SPINK5: variants seen among roughly 807,000 people sequenced by gnomAD.
SPINK5 encodes the protein serine protease inhibitor Kazal-type 5.
SPINK5 carries 125 observed loss-of-function variants against 151.8 expected under a neutral mutation model. That is an observed-to-expected ratio of 0.82 (90% CI 0.71 to 0.96). The LOEUF is 0.96. SPINK5 is among the 40% of genes least tolerant of loss of function. The pLI is 0.00. For synonymous variants in SPINK5, 374 were observed against 395.3 expected (o/e 0.95, Z 0.64); for missense variants, 1,194 against 1,291.9 (o/e 0.92, Z 1.16).
chr5:148,110,400 C>T (rs1465204307), intron 18 of SPINK5, among the ~76,000 whole-genome samples: 1 of 152,072 alleles, frequency 6.6e-6, no homozygotes, highest in East Asian at 1.9e-4. Context: ...CTCTTGTCTA[C>T]CAAAATTCTG....
In SPINK5 at chr5:148,111,183, C is replaced by T. The variant is rs187992738; in HGVS notation, c.1693-585C>T. Among the ~76,000 whole-genome samples, 20 of 151,460 alleles carry T rather than the reference C, an allele frequency of 1.3e-4. 1 individual carries two copies. Among genetic ancestry groups the T allele is most frequent in the Admixed American group, 3.3e-4 (5 of 15,094 alleles). On this transcript the variant is annotated intron_variant, in intron 18 of 32. Coordinates refer to ENST00000256084, the MANE Select transcript of SPINK5 (RefSeq NM_006846.4). ...CCGTCCATGTTCCTTGGTTCTTGGA[C>T]CCCCCTTCTCTGTCTACAAAGCCAG...
intron 8 of SPINK5, among the ~76,000 whole-genome samples, chr5:148,092,853 T>G (rs183569510): frequency 1.6e-4 from 24 of 152,040 alleles, no homozygotes; most frequent in Non-Finnish European, 4.4e-5. Context: ...GCAGTTAGGA[T>G]TCTCTGTTAA....
intron 30 of SPINK5, 45 bp downstream of exon 30, chr5:148,127,124 C>G: frequency 6.4e-7 from 1 of 1,551,290 alleles, no homozygotes; most frequent in Non-Finnish European, 8.8e-7. Flanking sequence ...ATTTAATTTT[C>G]TTGATTTTTT....
intron 19 of SPINK5, 63 bp downstream of exon 19, chr5:148,111,958 G>C: frequency 6.2e-7 from 1 of 1,612,874 alleles, no homozygotes; most frequent in Non-Finnish European, 8.5e-7. Flanking sequence ...GGGTGGGCAA[G>C]AGGGGTGACA....
rs72829100 is a variant in SPINK5, at chr5:148,111,567, T to C, written c.1693-201T>C. On this transcript the variant is annotated intron_variant, in intron 18 of 32. Transcript: ENST00000256084. ...GCAGAATAATATTTGACCTGAAGGTTTTCTAATGAGATAAATAACAGCAAT... is the reference window on the plus strand; with the variant it reads ...GCAGAATAATATTTGACCTGAAGGTCTTCTAATGAGATAAATAACAGCAAT... Among the ~76,000 whole-genome samples, 902 of 152,312 alleles carry C rather than the reference T, an allele frequency of 5.9e-3. 7 individuals carry two copies. Among genetic ancestry groups the C allele is most frequent in the Non-Finnish European group, 1.0e-2 (680 of 68,024 alleles).
intron 4 of SPINK5, among the ~76,000 whole-genome samples, chr5:148,083,406 T>C (rs1010853971): frequency 6.6e-5 from 10 of 151,480 alleles, no homozygotes; most frequent in East Asian, 3.9e-4. Context: ...AGCACATTTA[T>C]ATTTATTGTT....
intron 8 of SPINK5, among the ~76,000 whole-genome samples, chr5:148,093,061 A>G (rs1047313240): frequency 2.6e-5 from 4 of 151,934 alleles, no homozygotes; most frequent in African/African-American, 7.2e-5. Flanking sequence ...ACTCCTAGCC[A>G]TGCTCTTTAT....
In SPINK5 at chr5:148,107,044, G is replaced by A; in HGVS notation, c.1487G>A (p.Cys496Tyr). Residue 496 changes from cysteine (C) to tyrosine (Y), a missense_variant, in exon 17 of 33, where the codon TGC becomes TAC. Coordinates refer to ENST00000256084, the MANE Select transcript of SPINK5 (RefSeq NM_006846.4). ...KAKREAAKEI[C>Y]SEFRDQVRNG... ...ATTTTCTTCATTTCCCAGGAAATCTGCAGTGAATTTCGGGACCAAGTGAGG... is the reference window on the plus strand; with the variant it reads ...ATTTTCTTCATTTCCCAGGAAATCTACAGTGAATTTCGGGACCAAGTGAGG... The A allele has an allele frequency of 6.2e-6, 10 of 1,612,480 alleles. No individual in the cohort carries two copies. The highest frequency in any genetic ancestry group is 8.5e-6 in the Non-Finnish European group (10 of 1,179,002).
chr5:148,125,064 T>C, intron 28 of SPINK5: 1 of 546,226 alleles, frequency 1.8e-6, no homozygotes, highest in Non-Finnish European at 2.9e-6. Flanking sequence ...TCTATTATTG[T>C]TTTAGTCTTT....
chr5:148,112,803 T>C, intron 19 of SPINK5, 65 bp from the exon 20 acceptor site: 2 of 1,605,938 alleles, frequency 1.2e-6, no homozygotes, highest in Non-Finnish European at 1.7e-6. Context: ...GTAGAGACAT[T>C]TCTCCTTTAG....
intron 4 of SPINK5, among the ~76,000 whole-genome samples, chr5:148,079,772 T>C (rs1752971463): frequency 6.6e-6 from 1 of 151,136 alleles, no homozygotes; most frequent in Non-Finnish European, 1.5e-5. Flanking sequence ...ATAAAGAACG[T>C]CTGTGAAAAA....
Position 148,101,447 on chromosome 5 carries a change from A to G in SPINK5, c.1302+11A>G. The G allele has an allele frequency of 1.3e-6, 2 of 1,593,338 alleles. No individual in the cohort carries two copies. Among genetic ancestry groups the G allele is most frequent in the Non-Finnish European group, 1.7e-6 (2 of 1,161,038 alleles). ...ACAGCTTCCTTTGAGGTGAGTTTAT[A>G]TCCTCCAGCAACTCAGAGGGATATG... On this transcript the variant is annotated intron_variant, in intron 14 of 32. Transcript: ENST00000256084.
intron 32 of SPINK5, among the ~76,000 whole-genome samples, chr5:148,136,586 T>G (rs555783006): frequency 2.8e-4 from 43 of 152,302 alleles, no homozygotes; most frequent in African/African-American, 9.9e-4. Flanking sequence ...CAACAAACTA[T>G]AGTAGAAAAA....
chr5:148,103,698 T>C (rs1753706832), intron 15 of SPINK5, among the ~76,000 whole-genome samples: 1 of 152,202 alleles, frequency 6.6e-6, no homozygotes, highest in Non-Finnish European at 1.5e-5. Flanking sequence ...CCTCATGTTT[T>C]ATAGATATGT....
At chr5:148,111,601 C>T (rs1354980617) in intron 18 of SPINK5, among the ~76,000 whole-genome samples, 167 bp from the exon 19 acceptor site, 1 of 152,176 alleles carries the variant, frequency 6.6e-6, no homozygotes, top group Non-Finnish European at 1.5e-5. Flanking sequence ...ATCCATGTTC[C>T]AAATGTGTGA....
chr5:148,133,766 C>T (rs1346250312), intron 31 of SPINK5, 31 bp from the exon 32 acceptor site: 31 of 1,607,382 alleles, frequency 1.9e-5, no homozygotes, highest in East Asian at 4.5e-5. Context: ...AGAACTTCCT[C>T]GTTGTTGAAG....
At chr5:148,073,478 C>T (rs1231307353) in intron 4 of SPINK5, among the ~76,000 whole-genome samples, 1 of 151,728 alleles carries the variant, frequency 6.6e-6, no homozygotes, top group African/African-American at 2.4e-5. Flanking sequence ...TCTGTGGGGG[C>T]CAGAAAGGTT....
intron 8 of SPINK5, among the ~76,000 whole-genome samples, chr5:148,091,824 A>AT (rs1221752758): frequency 5.3e-5 from 8 of 151,662 alleles, no homozygotes; most frequent in African/African-American, 1.9e-4. Context: ...CCTTAAAATT[A>AT]TTTTTTTGAA....
intron 4 of SPINK5, among the ~76,000 whole-genome samples, chr5:148,080,039 A>C (rs1752979557): frequency 6.6e-6 from 1 of 151,168 alleles, no homozygotes; most frequent in African/African-American, 2.4e-5. Context: ...AATTACTAGA[A>C]CTAATAAATG....
Sources: gnomAD v4.1 joint callset for allele counts (sites outside exome capture counted in the v4.1 genomes callset) on GRCh38, gnomAD v4.1.1 for gene constraint, MANE v1.5 for transcripts, NCBI Gene and HGNC (gene_info 2026-07-23, HGNC 2026-07-21) for gene names.